The following MACROD2 variants were observed in gnomAD, a reference collection of about 807,000 sequenced individuals.
MACROD2 encodes the protein ADP-ribose glycohydrolase MACROD2.
A neutral mutation model predicts 70.4 loss-of-function variants in MACROD2; 36 were observed. The observed-to-expected ratio is 0.51, with a 90% CI of 0.39 to 0.68. The LOEUF is 0.68. MACROD2 is among the 30% of genes least tolerant of loss of function. MACROD2 has a pLI of 0.00. For missense variants in MACROD2, 496 were observed against 538.4 expected, an observed-to-expected ratio of 0.92 and a Z score of 0.78; for synonymous variants, 172 against 178.8, an observed-to-expected ratio of 0.96 and a Z score of 0.30.
intron 5 of MACROD2, among the ~76,000 whole-genome samples, chr20:15,195,115 C>G (rs986972505): frequency 6.6e-6 from 1 of 151,976 alleles, no homozygotes; most frequent in Non-Finnish European, 1.5e-5. Flanking sequence ...ATGTAAAACC[C>G]AAAACTGTGA....
intron 8 of MACROD2, among the ~76,000 whole-genome samples, chr20:15,622,878 TTTA>T (rs1354126664): frequency 1.3e-5 from 2 of 152,342 alleles, no homozygotes; most frequent in African/African-American, 4.8e-5. Flanking sequence ...TAAATTAAAC[TTTA>T]TCTTAGGTAT....
At chr20:14,614,885 C>T (rs1983385379) in intron 4 of MACROD2, among the ~76,000 whole-genome samples, 1 of 152,054 alleles carries the variant, frequency 6.6e-6, no homozygotes. Context: ...AGAAGGGAAA[C>T]TAACCATGTA....
chr20:14,390,463 T>C (rs1004942178), intron 3 of MACROD2, among the ~76,000 whole-genome samples: 19 of 152,188 alleles, frequency 1.2e-4, no homozygotes, highest in African/African-American at 4.6e-4. Flanking sequence ...AGAACAAAGC[T>C]GGAGGCATCA....
rs776650907 is a variant in MACROD2 at position 14,326,730 on chromosome 20, G to A, written c.272-166749G>A. ...AAAAAGCATTTGGGGGCACCCGATTGATGTGGTTATCTTGAAGATAAAGCT... is the reference window on the plus strand; with the variant it reads ...AAAAAGCATTTGGGGGCACCCGATTAATGTGGTTATCTTGAAGATAAAGCT... On this transcript the variant is annotated intron_variant, in intron 3 of 17. Coordinates refer to ENST00000684519, the MANE Select transcript of MACROD2 (RefSeq NM_001351661.2). This position sits in a 1 kb window ranked among gnomAD's most constrained non-coding sequence, Gnocchi z 5.5. 6.2e-7 allele frequency: 1 copy of A among 1,613,770 alleles called. No homozygotes were observed. The highest frequency in any genetic ancestry group is 1.1e-5 in the South Asian group (1 of 91,084).
At chr20:15,643,140 T>C (rs2049488158) in intron 8 of MACROD2, among the ~76,000 whole-genome samples, 1 of 152,210 alleles carries the variant, frequency 6.6e-6, no homozygotes, top group South Asian at 2.1e-4. Context: ...TTCCATGATG[T>C]ATATTTATGG....
chr20:15,802,088 G>C (rs2063731531), intron 8 of MACROD2, among the ~76,000 whole-genome samples: 1 of 152,068 alleles, frequency 6.6e-6, no homozygotes, highest in African/African-American at 2.4e-5. Flanking sequence ...TCGGATCTCA[G>C]AGTTTTTCAG....
At chr20:14,437,603 A>AT (rs1182800774) in intron 3 of MACROD2, among the ~76,000 whole-genome samples, 1 of 152,004 alleles carries the variant, frequency 6.6e-6, no homozygotes, top group Non-Finnish European at 1.5e-5. Flanking sequence ...TCAAAAAAAA[A>AT]TTTTTTTCTC....
intron 2 of MACROD2, among the ~76,000 whole-genome samples, chr20:14,076,609 T>A (rs1341494582): frequency 6.6e-6 from 1 of 151,872 alleles, no homozygotes; most frequent in African/African-American, 2.4e-5. Flanking sequence ...AGCCCGGGAG[T>A]TGGAGGTTGC....
chr20:15,766,849 T>G (rs1454552403), intron 8 of MACROD2, among the ~76,000 whole-genome samples: 1 of 152,222 alleles, frequency 6.6e-6, no homozygotes, highest in Non-Finnish European at 1.5e-5. Context: ...TGGAGTTCTC[T>G]CCATGCGGGG....
chr20:15,997,848 T>A (rs1231707640), intron 15 of MACROD2, among the ~76,000 whole-genome samples: 3 of 152,188 alleles, frequency 2.0e-5, no homozygotes, highest in Non-Finnish European at 4.4e-5. Flanking sequence ...GCCTTTATTA[T>A]GTTGGAGTAC....
chr20:14,836,683 T>C (rs1354524081), intron 5 of MACROD2, among the ~76,000 whole-genome samples: 3 of 152,090 alleles, frequency 2.0e-5, no homozygotes. Flanking sequence ...TTCCCCTTGC[T>C]CCCATCTTGA....
At chr20:14,731,545 G>T (rs1369797718) in intron 5 of MACROD2, among the ~76,000 whole-genome samples, 1 of 152,090 alleles carries the variant, frequency 6.6e-6, no homozygotes, top group Non-Finnish European at 1.5e-5. Flanking sequence ...ATTGTTATTT[G>T]CTAGGTAGGA....
intron 5 of MACROD2, among the ~76,000 whole-genome samples, chr20:14,871,362 A>G (rs2073486357): frequency 6.6e-6 from 1 of 152,144 alleles, no homozygotes; most frequent in African/African-American, 2.4e-5. Flanking sequence ...TTGAGGGCCA[A>G]TATTTAACGT....
At chr20:14,607,791 C>A (rs1445177040) in intron 4 of MACROD2, among the ~76,000 whole-genome samples, 1 of 152,028 alleles carries the variant, frequency 6.6e-6, no homozygotes, top group Non-Finnish European at 1.5e-5. Flanking sequence ...TCCATGCCAT[C>A]GTTTTGTCTC....
chr20:15,916,328 C>G lies in MACROD2; in HGVS notation c.776-16948C>G, dbSNP rs1057446511. On this transcript the variant is annotated intron_variant, in intron 10 of 17. Transcript: ENST00000684519. ...AGCTGGCTTCCCTGAGAGCAAGGCA[C>G]GGGGGAGAGGGAGAGCATGTCCTGG... 3.3e-5 allele frequency among the ~76,000 whole-genome samples: 5 copies of G among 152,084 alleles called. No homozygotes were observed. In the South Asian group the frequency reaches 1.0e-3, roughly 32 times the overall value.
At chr20:15,594,723 AT>A (rs2048724510) in intron 8 of MACROD2, among the ~76,000 whole-genome samples, 1 of 152,174 alleles carries the variant, frequency 6.6e-6, no homozygotes, top group South Asian at 2.1e-4. Context: ...TAACATATTG[AT>A]TTGTGTTTTC....
rs79385860 is a variant in MACROD2, at chr20:15,529,895, C to T, written c.645+30048C>T. 4.6e-3 allele frequency among the ~76,000 whole-genome samples: 704 copies of T among 152,152 alleles called. 5 individuals carry two copies. The highest frequency in any genetic ancestry group is 0.016 in the African/African-American group (667 of 41,522). On this transcript the variant is annotated intron_variant, in intron 8 of 17. Coordinates refer to ENST00000684519, the MANE Select transcript of MACROD2 (RefSeq NM_001351661.2). ...GAGAGTGGACACAGAATAAGGGCCA[C>T]GGTGTGTATTCAGAGAGGTGACAGA...
rs145712487 is a variant in MACROD2, at chr20:15,398,913, C to T, written c.541-32492C>T. 2.0e-3 allele frequency among the ~76,000 whole-genome samples: 311 copies of T among 152,278 alleles called. 1 individual carries two copies. Among genetic ancestry groups the T allele is most frequent in the African/African-American group, 7.2e-3 (301 of 41,552 alleles). ...CTCACTGAAGCCTCAAATTCCTGGG[C>T]TCAAGTGATCCTTCTCGCCTCAGCC... On this transcript the variant is annotated intron_variant, in intron 6 of 17. Coordinates refer to ENST00000684519, the MANE Select transcript of MACROD2 (RefSeq NM_001351661.2).
intron 6 of MACROD2, among the ~76,000 whole-genome samples, chr20:15,308,424 G>T (rs192248018): frequency 6.6e-6 from 1 of 152,180 alleles, no homozygotes; most frequent in Non-Finnish European, 1.5e-5. Context: ...ATTTAACTTT[G>T]CAAGGTCTAA....
Sources: allele counts gnomAD v4.1 joint callset (sites outside exome capture counted in the v4.1 genomes callset), GRCh38; gene constraint gnomAD v4.1.1; non-coding constraint Gnocchi (gnomAD v3.1); transcripts MANE v1.5; gene names NCBI Gene and HGNC (gene_info 2026-07-23, HGNC 2026-07-21).